Variants in USH2A observed in about 807,000 individuals in gnomAD.
USH2A encodes the protein Usher syndrome 2A (autosomal recessive, mild).
USH2A carries 443 observed loss-of-function variants against 538.9 expected under a neutral mutation model. The observed-to-expected ratio is 0.82, with a 90% CI of 0.76 to 0.89. The LOEUF (loss-of-function observed/expected upper bound fraction) is 0.89, where lower values mean the gene tolerates loss of function less well. Among genes scored for constraint, USH2A ranks in the 40% least tolerant of loss-of-function variants. The pLI is 0.00. For synonymous variants in USH2A, 2,413 were observed against 2,273.5 expected (o/e 1.06, Z -1.75); for missense variants, 6,633 against 6,324.8 (o/e 1.05, Z -1.65).
intron 21 of USH2A, among the ~76,000 whole-genome samples, chr1:216,172,867 A>G (rs1178065154): frequency 6.6e-6 from 1 of 152,148 alleles, no homozygotes; most frequent in African/African-American, 2.4e-5. Flanking sequence ...ACTTTTGTAT[A>G]CTTCCTATTC....
chr1:215,934,550 T>G (rs1186974892), intron 38 of USH2A, 66 bp downstream of exon 38: 1 of 1,513,696 alleles, frequency 6.6e-7, no homozygotes, highest in African/African-American at 1.4e-5. Context: ...AAACAAGGTA[T>G]TCAATGGAAA....
At chr1:215,852,023 T>C (rs1175658950) in intron 44 of USH2A, among the ~76,000 whole-genome samples, 1 of 152,096 alleles carries the variant, frequency 6.6e-6, no homozygotes, top group Non-Finnish European at 1.5e-5. Context: ...AAAATAGGCA[T>C]AGAAAGGACA....
At position 215,790,252 on chromosome 1, in the gene USH2A, T is replaced by G; in HGVS notation, c.9989A>C (p.Asn3330Thr). 1 of 1,614,036 alleles carries G rather than the reference T, an allele frequency of 6.2e-7. No homozygotes were observed. Among genetic ancestry groups the G allele is most frequent in the Non-Finnish European group, 8.5e-7 (1 of 1,179,988 alleles). The change falls in exon 51 of 72, where the codon AAT (asparagine) becomes ACT (threonine). Residue 3330 changes from asparagine (N) to threonine (T), a missense_variant. Coordinates refer to ENST00000307340, the MANE Select transcript of USH2A (RefSeq NM_206933.4). ...TGAGCAGCATATGGTATCTGACATA[T>G]TCACATAATCCTGCCCACAACAGAA... ...GMFCCGQDYV[N>T]MSDTICCSAS...
chr1:215,718,485 T>C (rs1659550972), intron 61 of USH2A, among the ~76,000 whole-genome samples: 1 of 152,206 alleles, frequency 6.6e-6, no homozygotes, highest in Non-Finnish European at 1.5e-5. Flanking sequence ...ACTCTATCAA[T>C]GTTAATGGTC....
rs145814426 is a variant in USH2A, at chr1:215,798,998, G to A, written c.9867C>T (p.Gly3289=). 89 of 1,614,058 alleles carry A rather than the reference G, an allele frequency of 5.5e-5. No individual in the cohort carries two copies. The African/African-American group carries it at 1.1e-3, about 20-fold the overall frequency. The change falls in exon 50 of 72, where the codon GGC becomes GGT. Residue 3289 remains glycine, a synonymous_variant. Coordinates refer to ENST00000307340, the MANE Select transcript of USH2A (RefSeq NM_206933.4). The stretch of plus-strand genomic sequence containing the variant: ...GTCTGCCACAGCACTTCTGGCCATG[G>A]CCATCATGAAGCCTCCCAGCACAGC... ...QICCAGRLHD[G]HGQKCCGRQI...
intron 35 of USH2A, among the ~76,000 whole-genome samples, chr1:215,978,620 G>T (rs1667677333): frequency 6.6e-6 from 1 of 152,110 alleles, no homozygotes. Context: ...AACAATTCAA[G>T]GGTTAAACAA....
intron 30 of USH2A, among the ~76,000 whole-genome samples, chr1:216,062,333 C>T (rs1261251523): frequency 2.6e-5 from 4 of 151,974 alleles, no homozygotes; most frequent in African/African-American, 7.3e-5. Flanking sequence ...GAAATCAAAG[C>T]AAGCTAGATG....
intron 21 of USH2A, among the ~76,000 whole-genome samples, chr1:216,170,933 A>G (rs535883101): frequency 5.9e-4 from 89 of 152,088 alleles, no homozygotes; most frequent in African/African-American, 2.0e-3. Context: ...AGTATTTTTA[A>G]CCCCATGTAA....
chr1:216,046,721 C>A, intron 31 of USH2A, 129 bp from the exon 32 acceptor site: 1 of 1,074,734 alleles, frequency 9.3e-7, no homozygotes, highest in Non-Finnish European at 1.4e-6. Context: ...GATTCGTGGG[C>A]AGCTTGTCAG....
chr1:215,934,459 A>T (rs1361831974), intron 38 of USH2A, among the ~76,000 whole-genome samples, 157 bp downstream of exon 38: 1 of 152,022 alleles, frequency 6.6e-6, no homozygotes, highest in African/African-American at 2.4e-5. Context: ...AATCTGAATA[A>T]ACAAAGCAAA....
intron 9 of USH2A, among the ~76,000 whole-genome samples, chr1:216,295,869 A>G (rs750358675): frequency 2.0e-4 from 31 of 151,968 alleles, no homozygotes; most frequent in African/African-American, 4.8e-4. Context: ...CTATTTTAAT[A>G]CAGAATAAAT....
intron 60 of USH2A, among the ~76,000 whole-genome samples, chr1:215,739,047 T>A (rs1320202638): frequency 6.6e-6 from 1 of 152,202 alleles, no homozygotes; most frequent in Non-Finnish European, 1.5e-5. Flanking sequence ...GCCAAGTGAT[T>A]CATGCCTATG....
chr1:215,849,985 A>ATT (rs66884662), intron 44 of USH2A, among the ~76,000 whole-genome samples: 57,163 of 151,684 alleles, frequency 0.38, 11,399 homozygotes, highest in Admixed American at 0.51. Flanking sequence ...TAATTAATTG[A>ATT]TCTTTTTAAG....
intron 48 of USH2A, 139 bp downstream of exon 48, chr1:215,816,858 C>G (rs1662870377): frequency 1.1e-6 from 1 of 918,570 alleles, no homozygotes; most frequent in South Asian, 1.5e-5. Context: ...TTGTAAGCAT[C>G]CTTTCTTTTC....
At chr1:215,780,891 T>C (rs1453242934) in intron 54 of USH2A, among the ~76,000 whole-genome samples, 1 of 152,246 alleles carries the variant, frequency 6.6e-6, no homozygotes, top group Non-Finnish European at 1.5e-5. Flanking sequence ...TTCATTTGGA[T>C]GGCTCTTGCA....
chr1:215,698,827 A>T (rs949439277), intron 61 of USH2A, among the ~76,000 whole-genome samples: 3 of 152,114 alleles, frequency 2.0e-5, no homozygotes, highest in African/African-American at 7.2e-5. Flanking sequence ...CTTTAGTTTA[A>T]TCAGATCCCA....
intron 3 of USH2A, among the ~76,000 whole-genome samples, chr1:216,404,254 A>C (rs565767707): frequency 6.6e-6 from 1 of 152,304 alleles, no homozygotes; most frequent in Non-Finnish European, 1.5e-5. Flanking sequence ...TGCAATTCCT[A>C]TCAAAATCTA....
chr1:216,106,271 C>T (rs192453226), intron 21 of USH2A, among the ~76,000 whole-genome samples: 4 of 146,850 alleles, frequency 2.7e-5, no homozygotes, highest in Non-Finnish European at 6.0e-5. Flanking sequence ...TACGGCCCAG[C>T]ATATTAGCTG....
chr1:215,891,371 T>A (rs1327485677), intron 40 of USH2A, among the ~76,000 whole-genome samples: 1 of 152,128 alleles, frequency 6.6e-6, no homozygotes. Flanking sequence ...CTTAATTAGC[T>A]CCTTTGGCTA....
Sources: gnomAD v4.1 joint callset for allele counts (sites outside exome capture counted in the v4.1 genomes callset) on GRCh38, gnomAD v4.1.1 for gene constraint, MANE v1.5 for transcripts, NCBI Gene and HGNC (gene_info 2026-07-23, HGNC 2026-07-21) for gene names.